PPP1R12B: variants seen among roughly 807,000 people sequenced by gnomAD.
PPP1R12B encodes protein phosphatase 1 regulatory subunit 12B.
PPP1R12B carries 76 observed loss-of-function variants against 126.1 expected under a neutral mutation model. The ratio of observed to expected loss-of-function variants is 0.60; its 90% CI spans 0.50 to 0.73. The LOEUF (loss-of-function observed/expected upper bound fraction) is 0.73, where lower values mean the gene tolerates loss of function less well. PPP1R12B is among the 30% of genes least tolerant of loss of function. PPP1R12B has a pLI of 0.00. For synonymous variants in PPP1R12B, 356 were observed against 434.7 expected, an observed-to-expected ratio of 0.82 and a Z score of 2.25; for missense variants, 1,052 against 1,205.1, an observed-to-expected ratio of 0.87 and a Z score of 1.88.
At chr1:202,395,499 C>G (rs1664839935) in intron 1 of PPP1R12B, among the ~76,000 whole-genome samples, 1 of 152,146 alleles carries the variant, frequency 6.6e-6, no homozygotes, top group African/African-American at 2.4e-5. Context: ...GTGACTGTTC[C>G]TGAAAATGTT....
intron 13 of PPP1R12B, among the ~76,000 whole-genome samples, chr1:202,466,084 A>G (rs1246742731): frequency 6.6e-6 from 1 of 152,204 alleles, no homozygotes; most frequent in East Asian, 1.9e-4. Context: ...TCCTGTCGTA[A>G]TAGGATTCAC....
intron 12 of PPP1R12B, 66 bp downstream of exon 12, chr1:202,442,638 G>A: frequency 2.5e-5 from 36 of 1,459,402 alleles, no homozygotes; most frequent in Non-Finnish European, 3.0e-5. Flanking sequence ...GGTAATGATT[G>A]TATGCCTTTT....
chr1:202,362,246 T>C lies in PPP1R12B; in HGVS notation c.291+13104T>C, dbSNP rs373388579. On this transcript the variant is annotated intron_variant, in intron 1 of 23. Coordinates refer to ENST00000608999, the MANE Select transcript of PPP1R12B (RefSeq NM_002481.4). ...CTGTTTTGTAATTATTCCTCTTGTA[T>C]TGATTTTCCTCCCCATGTTTAAATT... Among the ~76,000 whole-genome samples, 92 of 152,246 alleles carry C rather than the reference T, an allele frequency of 6.0e-4. No individual in the cohort carries two copies. In the South Asian group the frequency reaches 0.011, roughly 18 times the overall value.
At position 202,437,820 on chromosome 1, in the gene PPP1R12B, G is replaced by A; in HGVS notation, c.1255-1G>A. On this transcript the variant is annotated splice_acceptor_variant, in intron 9 of 23. Coordinates refer to ENST00000608999, the MANE Select transcript of PPP1R12B (RefSeq NM_002481.4). LOFTEE classifies it high-confidence loss of function. ...ATTTCTTTTATTTGCTTCTCTCATA[G>A]TTCTCTTCTGGCCTTTTTAACAAGC... is the stretch of plus-strand genomic sequence containing the variant. 1 of 1,601,268 alleles carries A rather than the reference G, an allele frequency of 6.2e-7. No individual in the cohort carries two copies. Among genetic ancestry groups the A allele is most frequent in the Non-Finnish European group, 8.5e-7 (1 of 1,172,672 alleles).
intron 14 of PPP1R12B, among the ~76,000 whole-genome samples, chr1:202,489,249 C>A (rs1231597487): frequency 6.6e-6 from 1 of 152,190 alleles, no homozygotes; most frequent in East Asian, 1.9e-4. Context: ...TGCTTAAAGA[C>A]CTTAAGAATC....
chr1:202,538,252 C>T (rs1684753031), intron 18 of PPP1R12B, among the ~76,000 whole-genome samples: 1 of 152,314 alleles, frequency 6.6e-6, no homozygotes, highest in South Asian at 2.1e-4. Context: ...ACCTTGGCCT[C>T]CCAAAGTGCT....
chr1:202,495,627 G>A lies in PPP1R12B; in HGVS notation c.2393G>A (p.Arg798Lys), dbSNP rs748116974. The A allele has an allele frequency of 6.2e-7, 1 of 1,614,178 alleles. No individual in the cohort carries two copies. The highest frequency in any genetic ancestry group is 1.7e-5 in the Admixed American group (1 of 60,012). The change falls in exon 17 of 24, where the codon AGG becomes AAG. Residue 798 changes from arginine to lysine, a missense_variant. Transcript: ENST00000608999. ...TCTAAGAGGCTGTCCATCCGAGAGAGGAGGCGGCCCAAGGAACGACGAAGA... is the reference window on the plus strand; with the variant it reads ...TCTAAGAGGCTGTCCATCCGAGAGAAGAGGCGGCCCAAGGAACGACGAAGA... ...QSSKRLSIRE[R>K]RRPKERRRGT...
intron 1 of PPP1R12B, among the ~76,000 whole-genome samples, chr1:202,407,120 G>A (rs996229916): frequency 4.6e-5 from 7 of 152,288 alleles, no homozygotes; most frequent in East Asian, 1.9e-4. Flanking sequence ...GAGATCAGAC[G>A]TGTATAACCA....
intron 8 of PPP1R12B, among the ~76,000 whole-genome samples, chr1:202,434,318 G>A (rs1670537638): frequency 6.6e-6 from 1 of 152,170 alleles, no homozygotes; most frequent in Admixed American, 6.5e-5. Flanking sequence ...GAAATTATCT[G>A]CATAAGAAGT....
intron 18 of PPP1R12B, among the ~76,000 whole-genome samples, chr1:202,530,969 G>C (rs1440089772): frequency 6.6e-6 from 1 of 152,150 alleles, no homozygotes; most frequent in Non-Finnish European, 1.5e-5. Flanking sequence ...TCATTTTGTG[G>C]TAAAGTCCCT....
At chr1:202,511,977 C>T (rs1681576723) in intron 18 of PPP1R12B, among the ~76,000 whole-genome samples, 1 of 151,936 alleles carries the variant, frequency 6.6e-6, no homozygotes, top group Non-Finnish European at 1.5e-5. Flanking sequence ...AGACAGTTGT[C>T]AACTAGGAAT....
intron 18 of PPP1R12B, among the ~76,000 whole-genome samples, chr1:202,555,046 T>C (rs1056295192): frequency 6.6e-6 from 1 of 152,102 alleles, no homozygotes; most frequent in Non-Finnish European, 1.5e-5. Context: ...TTTTTCTGAT[T>C]GCTGCTTGAT....
At chr1:202,505,606 G>A (rs562208423) in intron 18 of PPP1R12B, among the ~76,000 whole-genome samples, 3 of 152,082 alleles carry the variant, frequency 2.0e-5, no homozygotes, top group Non-Finnish European at 2.9e-5. Flanking sequence ...TCTGGGGCTC[G>A]ATTGCCTAAT....
chr1:202,552,055 A>T (rs1318468802), intron 18 of PPP1R12B, among the ~76,000 whole-genome samples: 1 of 152,174 alleles, frequency 6.6e-6, no homozygotes, highest in Non-Finnish European at 1.5e-5. Context: ...GACCTACAAA[A>T]CTGTGAGATA....
Position 202,348,806 on chromosome 1 carries a change from T to C in PPP1R12B, c.-46T>C. ...GCAGCGGCAACTCGAGCCCCAACAG[T>C]AATTTAGTGTTGGTAGTTTTGGCAG... On this transcript the variant is annotated 5_prime_UTR_variant, in exon 1 of 24. Coordinates refer to ENST00000608999, the MANE Select transcript of PPP1R12B (RefSeq NM_002481.4). 6.4e-7 allele frequency: 1 copy of C among 1,570,004 alleles called. No individual in the cohort carries two copies. Among genetic ancestry groups the C allele is most frequent in the Non-Finnish European group, 8.6e-7 (1 of 1,162,594 alleles).
At chr1:202,496,634 TAGC>T in intron 17 of PPP1R12B, 144 bp from the exon 18 acceptor site, 1 of 626,906 alleles carries the variant, frequency 1.6e-6, no homozygotes, top group Admixed American at 3.4e-5. Flanking sequence ...CTGTGAAAAG[TAGC>T]AGTAACAGAG....
intron 10 of PPP1R12B, chr1:202,439,046 C>T (rs1671244313): frequency 1.0e-5 from 14 of 1,383,880 alleles, no homozygotes; most frequent in Non-Finnish European, 1.4e-5. Flanking sequence ...GGACTTCATC[C>T]TGGCCGCCAA....
intron 1 of PPP1R12B, among the ~76,000 whole-genome samples, chr1:202,353,978 A>G (rs1459409957): frequency 6.6e-6 from 1 of 151,924 alleles, no homozygotes; most frequent in African/African-American, 2.4e-5. Flanking sequence ...AGAATCTTCT[A>G]CTCTGTGAGT....
intron 18 of PPP1R12B, among the ~76,000 whole-genome samples, chr1:202,553,433 G>A (rs1429601480): frequency 6.6e-6 from 1 of 152,172 alleles, no homozygotes; most frequent in African/African-American, 2.4e-5. Flanking sequence ...AACACTTAGA[G>A]AAGTTCTAAG....
Sources: allele counts gnomAD v4.1 joint callset (sites outside exome capture counted in the v4.1 genomes callset), GRCh38; gene constraint gnomAD v4.1.1; transcripts MANE v1.5; gene names NCBI Gene and HGNC (gene_info 2026-07-23, HGNC 2026-07-21).